The following UMODL1 variants were observed in gnomAD, a reference collection of about 807,000 sequenced individuals.
UMODL1 encodes uromodulin-like 1.
Under a neutral mutation model 136.3 loss-of-function variants are expected in UMODL1, and 128 were observed. The observed-to-expected ratio is 0.94, with a 90% CI of 0.81 to 1.09. UMODL1 has a LOEUF of 1.09. Among genes scored for constraint, UMODL1 ranks in the 50% least tolerant of loss-of-function variants. The pLI is 0.00. For synonymous variants in UMODL1, 721 were observed against 720.0 expected, an observed-to-expected ratio of 1.00 and a Z score of -0.02; for missense variants, 1,766 against 1,725.6, an observed-to-expected ratio of 1.02 and a Z score of -0.41.
chr21:42,066,635 A>G (rs2066185146), upstream of UMODL1, among the ~76,000 whole-genome samples: 1 of 152,190 alleles, frequency 6.6e-6, no homozygotes, highest in Non-Finnish European at 1.5e-5. Context: ...ACCTCCTGTC[A>G]TGAAGATAGG....
chr21:42,075,586 T>G (rs2066281018), intron 1 of UMODL1, among the ~76,000 whole-genome samples: 1 of 152,208 alleles, frequency 6.6e-6, no homozygotes, highest in Non-Finnish European at 1.5e-5. Flanking sequence ...AAGAGATAGA[T>G]GTGCACGAGA....
In UMODL1 at chr21:42,109,125, C is replaced by T. The variant is rs986420106; in HGVS notation, c.1520-437C>T. On this transcript the variant is annotated intron_variant, in intron 9 of 22. Transcript: ENST00000408910. ...AAAGCTGGTGTTATACTCCGCTGGA[C>T]CCCCACCCCCCATGCGGAAAGTTCA... Among the ~76,000 whole-genome samples, 5 of 66,556 alleles carry T rather than the reference C, an allele frequency of 7.5e-5. 1 individual carries two copies. The highest frequency in any genetic ancestry group is 1.1e-3 in the East Asian group (2 of 1,744). 43.7% of individuals were successfully genotyped at this position (66,556 alleles called of 152,430 possible). A position where few individuals can be genotyped will look rare whatever the true frequency, so the allele number is the denominator to read the frequency against.
chr21:42,109,788 G>A (rs73373605), intron 10 of UMODL1, 89 bp downstream of exon 10: 15 of 1,428,460 alleles, frequency 1.1e-5, no homozygotes, highest in East Asian at 2.4e-5. Flanking sequence ...ATAGGCACAG[G>A]GCTGAGGACC....
chr21:42,067,514 C>A (rs1217492369), upstream of UMODL1, among the ~76,000 whole-genome samples: 1 of 152,222 alleles, frequency 6.6e-6, no homozygotes, highest in Admixed American at 6.5e-5. Context: ...ACCCAGGGGA[C>A]CCTGTCCAGC....
intron 18 of UMODL1, among the ~76,000 whole-genome samples, 200 bp from the exon 19 acceptor site, chr21:42,126,806 A>G (rs754568989): frequency 3.9e-4 from 60 of 152,224 alleles, no homozygotes; most frequent in Non-Finnish European, 6.5e-4. Flanking sequence ...GTCTCCACCT[A>G]TACAACTGAG....
In UMODL1 at chr21:42,080,352, C is replaced by T. The variant is rs2066347593; in HGVS notation, c.320-3732C>T. Among the ~76,000 whole-genome samples the T allele has an allele frequency of 2.0e-5, 3 of 152,226 alleles. No individual in the cohort carries two copies. In the South Asian group the frequency reaches 6.2e-4, roughly 32 times the overall value. On this transcript the variant is annotated intron_variant, in intron 2 of 22. Coordinates refer to ENST00000408910, the MANE Select transcript of UMODL1 (RefSeq NM_001004416.3). ...GCGTGAAGGGCAGGAGATGCTCCTTCCTCTGTGGCGGGGCCTCCAGGTCAC... is the reference window on the plus strand; with the variant it reads ...GCGTGAAGGGCAGGAGATGCTCCTTTCTCTGTGGCGGGGCCTCCAGGTCAC...
intron 17 of UMODL1, among the ~76,000 whole-genome samples, chr21:42,125,846 C>G (rs1429110909): frequency 6.6e-6 from 1 of 152,216 alleles, no homozygotes; most frequent in African/African-American, 2.4e-5. Context: ...ACCCACACAG[C>G]GGCAGCTCCA....
intron 20 of UMODL1, 95 bp from the exon 21 acceptor site, chr21:42,129,618 C>A: frequency 2.6e-6 from 3 of 1,132,218 alleles, no homozygotes; most frequent in Non-Finnish European, 3.7e-6. Flanking sequence ...AGGATAAAAT[C>A]GCATACATCA....
chr21:42,104,073 G>A lies in UMODL1; in HGVS notation c.1505G>A (p.Gly502Glu). 6.2e-7 allele frequency: 1 copy of A among 1,611,788 alleles called. No homozygotes were observed. The highest frequency in any genetic ancestry group is 8.5e-7 in the Non-Finnish European group (1 of 1,178,638). Residue 502 changes from glycine to glutamate, a missense_variant, in exon 9 of 23, where the codon GGG becomes GAG. Physicochemically the swap from Gly to Glu is moderately conservative, Grantham distance 98. Transcript: ENST00000408910. The part of the protein sequence containing the change: ...ASTVFQIDRQ[G>E]TRVQDWDECV... The stretch of plus-strand genomic sequence containing the variant: ...ACAGTGTTCCAGATTGACCGGCAGG[G>A]GACACGCGTGCAAGGTATGGCCCAG...
At chr21:42,068,756 G>A (rs757176159), upstream of UMODL1, among the ~76,000 whole-genome samples, 4 of 152,218 alleles carry the variant, frequency 2.6e-5, no homozygotes, top group Non-Finnish European at 5.9e-5. The surrounding 1 kb of genome is among the most constrained non-coding windows in gnomAD (Gnocchi z 5.5). Flanking sequence ...GTGTAAGTGT[G>A]AACGTGTGTC....
rs1012040531 is a variant in UMODL1 at position 42,123,914 on chromosome 21, C to T, written c.3147+764C>T. ...GGTCCTGGATGGGCTGTGGGGCTCC[C>T]GGGACAGAGGGAGCCCAGGTGGGGA... is the stretch of plus-strand genomic sequence containing the variant. On this transcript the variant is annotated intron_variant, in intron 17 of 22. Coordinates refer to ENST00000408910, the MANE Select transcript of UMODL1 (RefSeq NM_001004416.3). This position sits in a 1 kb window ranked among gnomAD's most constrained non-coding sequence, Gnocchi z 4.4. Among the ~76,000 whole-genome samples, 6 of 152,148 alleles carry T rather than the reference C, an allele frequency of 3.9e-5. No individual in the cohort carries two copies. The highest frequency in any genetic ancestry group is 5.9e-5 in the Non-Finnish European group (4 of 68,022).
At position 42,090,315 on chromosome 21, in the gene UMODL1, T is replaced by C. The variant is rs769975346; in HGVS notation, c.808T>C (p.Tyr270His). The C allele has an allele frequency of 2.5e-6, 4 of 1,614,186 alleles. No homozygotes were observed. In the East Asian group the frequency reaches 6.7e-5, roughly 27 times the overall value. The change falls in exon 6 of 23, where the codon TAT (tyrosine) becomes CAT (histidine). Residue 270 changes from tyrosine (Y) to histidine (H), a missense_variant. Tyr to His is a moderately conservative substitution (Grantham distance 83, BLOSUM62 2). Coordinates refer to ENST00000408910, the MANE Select transcript of UMODL1 (RefSeq NM_001004416.3). ...CCCTGTAGATGTCAATGAGTGTTTC[T>C]ATGAGGAGCTCAATGCCTGCTCTGG... ...VQVQDVNECFYEELNACSGRE... is the reference protein window; with the variant it reads ...VQVQDVNECFHEELNACSGRE...
At position 42,127,687 on chromosome 21, in the gene UMODL1, CACAT is replaced by C; in HGVS notation, c.3550_3553del (p.Tyr1184ProfsTer3). 6.2e-7 allele frequency: 1 copy of C among 1,613,966 alleles called. No homozygotes were observed. The highest frequency in any genetic ancestry group is 8.5e-7 in the Non-Finnish European group (1 of 1,179,964). On this transcript the variant is annotated frameshift_variant, in exon 20 of 23. Coordinates refer to ENST00000408910, the MANE Select transcript of UMODL1 (RefSeq NM_001004416.3). LOFTEE classifies it high-confidence loss of function. ...CTCTTCTCAGCTGCCCTGTGCCCAACACATACACCAACGTGATTGAGAACGGCAA... is the reference window on the plus strand; with the variant it reads ...CTCTTCTCAGCTGCCCTGTGCCCAACACACCAACGTGATTGAGAACGGCAA...
rs1485277282 is a variant in UMODL1, at chr21:42,127,113, G to C, written c.3401G>C (p.Ser1134Thr). ...PIPQNYSVSA[S>T]DDVRIEVGLY... The stretch of plus-strand genomic sequence containing the variant: ...CCTCAGAATTATAGCGTGTCTGCCA[G>C]TGACGATGTCAGGATCGAAGTGGGG... Residue 1134 changes from serine to threonine, a missense_variant, in exon 19 of 23, where the codon AGT becomes ACT. By Grantham distance (58) the Ser-to-Thr change is moderately conservative. Transcript: ENST00000408910. The C allele has an allele frequency of 6.2e-7, 1 of 1,614,064 alleles. No individual in the cohort carries two copies. The highest frequency in any genetic ancestry group is 1.3e-5 in the African/African-American group (1 of 74,920).
chr21:42,108,082 A>C (rs961115249), intron 9 of UMODL1, among the ~76,000 whole-genome samples: 6 of 152,194 alleles, frequency 3.9e-5, no homozygotes, highest in African/African-American at 1.2e-4. Flanking sequence ...GCAAGACTAA[A>C]TACAGCTGTC....
At chr21:42,073,023 CGCGCGCGCGTGTGTGTGTGTGCGTGT>C (rs2066248688) in intron 1 of UMODL1, among the ~76,000 whole-genome samples, 4 of 150,262 alleles carry the variant, frequency 2.7e-5, no homozygotes, top group African/African-American at 9.7e-5. Flanking sequence ...TGTGTGTGTG[CGCGCGCGCGTGTGTGTGTGTGCGTGT>C]GCGCATGTGT....
chr21:42,103,919 C>T lies in UMODL1; in HGVS notation c.1351C>T (p.Leu451=). 6.2e-7 allele frequency: 1 copy of T among 1,614,180 alleles called. No individual in the cohort carries two copies. Among genetic ancestry groups the T allele is most frequent in the South Asian group, 1.1e-5 (1 of 91,088 alleles). The stretch of plus-strand genomic sequence containing the variant: ...GTCTGACTTGTACCGAAGTGGGAAG[C>T]TGAGAATGCAGATCGTGTCTCTCCA... ...VVSDLYRSGK[L]RMQIVSLQAG... is the part of the protein sequence containing the mutation. Residue 451 remains leucine, a synonymous_variant, in exon 9 of 23, where the codon CTG becomes TTG. Coordinates refer to ENST00000408910, the MANE Select transcript of UMODL1 (RefSeq NM_001004416.3).
intron 6 of UMODL1, among the ~76,000 whole-genome samples, chr21:42,094,754 AGTTG>A (rs1440281311): frequency 6.6e-6 from 1 of 152,158 alleles, no homozygotes; most frequent in Non-Finnish European, 1.5e-5. Flanking sequence ...GCACGTTAGA[AGTTG>A]GTTGGTTGGT....
intron 18 of UMODL1, among the ~76,000 whole-genome samples, chr21:42,126,783 C>G (rs533718632): frequency 6.6e-6 from 1 of 152,214 alleles, no homozygotes; most frequent in East Asian, 1.9e-4. Flanking sequence ...ATGGACCCCC[C>G]ACCTTCCACT....
Sources: gnomAD v4.1 joint callset for allele counts (sites outside exome capture counted in the v4.1 genomes callset) on GRCh38, gnomAD v4.1.1 for gene constraint, Gnocchi (gnomAD v3.1) non-coding constraint, MANE v1.5 for transcripts, NCBI Gene and HGNC (gene_info 2026-07-23, HGNC 2026-07-21) for gene names.